HNF1B: variants seen among roughly 807,000 people sequenced by gnomAD.
HNF1B encodes the protein hepatocyte nuclear factor 1-beta.
Under a neutral mutation model 61.7 loss-of-function variants are expected in HNF1B, and 8 were observed. That is an observed-to-expected ratio of 0.13 (90% confidence interval 0.08 to 0.23). The LOEUF is 0.23. HNF1B is among the 10% of genes least tolerant of loss of function. The pLI is 1.00. For missense variants in HNF1B, 562 were observed against 714.5 expected, an observed-to-expected ratio of 0.79 and a Z score of 2.43; for synonymous variants, 314 against 287.7, an observed-to-expected ratio of 1.09 and a Z score of -0.93.
At chr17:37,718,911 A>G (rs965196642) in intron 4 of HNF1B, among the ~76,000 whole-genome samples, 1 of 152,164 alleles carries the variant, frequency 6.6e-6, no homozygotes, top group Non-Finnish European at 1.5e-5. Flanking sequence ...TGACTGGAGT[A>G]TGTCCATTTA....
rs751918738 is a variant in HNF1B, at chr17:37,710,557, G to T, written c.1152C>A (p.Val384=). ...GGCCTGGGTCCAGGCTGGCTGGGGAGACTTGCTGTAAAACCGACTGGCTGG... is the reference window on the plus strand; with the variant it reads ...GGCCTGGGTCCAGGCTGGCTGGGGATACTTGCTGTAAAACCGACTGGCTGG... ...MVTSQSVLQQ[V]SPASLDPGHN... is the part of the protein sequence containing the mutation. The change falls in exon 5 of 9, where the codon GTC becomes GTA. Residue 384 remains valine (V), a synonymous_variant. Transcript: ENST00000617811. 1.1e-5 allele frequency: 18 copies of T among 1,614,058 alleles called. No individual in the cohort carries two copies. Among genetic ancestry groups the T allele is most frequent in the South Asian group, 8.8e-5 (8 of 91,090 alleles).
intron 6 of HNF1B, among the ~76,000 whole-genome samples, chr17:37,704,602 T>C (rs1212107982): frequency 6.6e-6 from 1 of 152,228 alleles, no homozygotes; most frequent in African/African-American, 2.4e-5. Context: ...ATATTCACTG[T>C]CAGTTGATCA....
chr17:37,700,754 T>G (rs756055460), intron 7 of HNF1B, among the ~76,000 whole-genome samples: 1 of 152,220 alleles, frequency 6.6e-6, no homozygotes, highest in African/African-American at 2.4e-5. Context: ...AGGCCTACAC[T>G]GTCCTCTTCA....
In HNF1B at chr17:37,745,043, G is replaced by A; in HGVS notation, c.-159C>T. The A allele has an allele frequency of 3.1e-6, 2 of 645,998 alleles. No individual in the cohort carries two copies. The highest frequency in any genetic ancestry group is 1.9e-5 in the South Asian group (1 of 51,522). 40.0% of individuals were successfully genotyped at this position (645,998 alleles called of 1,614,324 possible). ...CGGGGTCCCGGAGGCTCCTCCGAAA[G>A]GAGTCAGAAAACTTCTAACTTGCCA... is the stretch of plus-strand genomic sequence containing the variant. On this transcript the variant is annotated 5_prime_UTR_variant, in exon 1 of 9. Coordinates refer to ENST00000617811, the MANE Select transcript of HNF1B (RefSeq NM_000458.4).
intron 8 of HNF1B, among the ~76,000 whole-genome samples, chr17:37,695,863 G>A (rs1388465322): frequency 6.6e-6 from 1 of 152,188 alleles, no homozygotes; most frequent in Non-Finnish European, 1.5e-5. Context: ...TAGGTGGAAG[G>A]ACTTGCTCTT....
intron 7 of HNF1B, among the ~76,000 whole-genome samples, chr17:37,700,043 A>G (rs1344733208): frequency 1.3e-5 from 2 of 152,220 alleles, no homozygotes; most frequent in African/African-American, 4.8e-5. Flanking sequence ...AATGCATACT[A>G]TTTCCATTTT....
intron 6 of HNF1B, among the ~76,000 whole-genome samples, chr17:37,702,028 T>C (rs1198165535): frequency 6.6e-6 from 1 of 152,114 alleles, no homozygotes; most frequent in Non-Finnish European, 1.5e-5. Context: ...ATCTCCTCCC[T>C]GAGAGCGACA....
At chr17:37,713,042 G>A (rs1212977683) in intron 4 of HNF1B, among the ~76,000 whole-genome samples, 2 of 152,194 alleles carry the variant, frequency 1.3e-5, no homozygotes, top group Non-Finnish European at 2.9e-5. Context: ...TGGGAGAGAG[G>A]TCTAGCCGCT....
chr17:37,694,250 A>AATCCCT (rs2032299784), intron 8 of HNF1B, among the ~76,000 whole-genome samples: 1 of 152,108 alleles, frequency 6.6e-6, no homozygotes, highest in Non-Finnish European at 1.5e-5. Context: ...CAACATGGTG[A>AATCCCT]ATCCCTGTTT....
chr17:37,686,532 G>C lies in HNF1B; in HGVS notation c.*840C>G, dbSNP rs961563218. ...TCCCTGCCCTGGGGTTTCTTAGGGA[G>C]TGCACGGCTGAGCTCCTGGCCCACA... On this transcript the variant is annotated 3_prime_UTR_variant, in exon 9 of 9. Transcript: ENST00000617811. 4 of 152,408 alleles carry C rather than the reference G, an allele frequency of 2.6e-5. No individual in the cohort carries two copies. The highest frequency in any genetic ancestry group is 5.9e-5 in the Non-Finnish European group (4 of 68,244). 9.4% of individuals were successfully genotyped at this position (152,408 alleles called of 1,614,324 possible).
chr17:37,721,247 G>A (rs993717023), intron 4 of HNF1B, among the ~76,000 whole-genome samples: 2 of 152,134 alleles, frequency 1.3e-5, no homozygotes, highest in South Asian at 2.1e-4. Flanking sequence ...TGCTGGTGTC[G>A]TAAAGCTCTA....
Position 37,699,211 on chromosome 17 carries a change from A to G in HNF1B, c.1535-17T>C. On this transcript the variant is annotated splice_polypyrimidine_tract_variant and intron_variant, in intron 7 of 8. Coordinates refer to ENST00000617811, the MANE Select transcript of HNF1B (RefSeq NM_000458.4). ...GTGCGTACACTGGAGAGACAGAGTGAAGACAGAATCAAGGTGCATACACAG... is the reference window on the plus strand; with the variant it reads ...GTGCGTACACTGGAGAGACAGAGTGGAGACAGAATCAAGGTGCATACACAG... The G allele has an allele frequency of 2.5e-6, 4 of 1,593,442 alleles. No homozygotes were observed. The highest frequency in any genetic ancestry group is 3.4e-6 in the Non-Finnish European group (4 of 1,161,174).
At chr17:37,730,637 C>G (rs947854793) in intron 4 of HNF1B, 1 of 152,286 alleles carries the variant, frequency 6.6e-6, no homozygotes, top group South Asian at 2.1e-4. Flanking sequence ...ATCAGAAGGG[C>G]AACCGACAGG....
At chr17:37,722,776 G>A (rs57315554) in intron 4 of HNF1B, among the ~76,000 whole-genome samples, 18,691 of 152,134 alleles carry the variant, frequency 0.12, 2,288 homozygotes, top group African/African-American at 0.32. Context: ...TAACAGGAAG[G>A]TACCTGAAGC....
intron 1 of HNF1B, among the ~76,000 whole-genome samples, chr17:37,744,061 A>G (rs1187186813): frequency 2.0e-5 from 3 of 152,262 alleles, no homozygotes; most frequent in Non-Finnish European, 4.4e-5. Context: ...TCCTTCGGCA[A>G]AGAACTGCAG....
At chr17:37,736,724 G>T (rs568358306) in intron 2 of HNF1B, among the ~76,000 whole-genome samples, 2 of 152,346 alleles carry the variant, frequency 1.3e-5, no homozygotes, top group South Asian at 2.1e-4. Flanking sequence ...GGCTGCCTCA[G>T]TCTCTCACCT....
intron 4 of HNF1B, among the ~76,000 whole-genome samples, chr17:37,713,687 A>C (rs2033011394): frequency 6.6e-6 from 1 of 152,168 alleles, no homozygotes; most frequent in African/African-American, 2.4e-5. Flanking sequence ...CAGCTTCCTC[A>C]TCTATAAGCC....
Position 37,724,595 on chromosome 17 carries a change from T to C in HNF1B, c.1045+7000A>G, listed in dbSNP as rs1447614286. ...ATCAATTAAAGACTATAGGATGATA[T>C]GTGAAAATTATATGAAATTTAAATT... On this transcript the variant is annotated intron_variant, in intron 4 of 8. Transcript: ENST00000617811. Among the ~76,000 whole-genome samples, 4 of 152,306 alleles carry C rather than the reference T, an allele frequency of 2.6e-5. No individual in the cohort carries two copies. In the East Asian group the frequency reaches 7.7e-4, roughly 29 times the overall value.
intron 6 of HNF1B, among the ~76,000 whole-genome samples, chr17:37,704,549 G>A (rs898629188): frequency 2.0e-5 from 3 of 152,160 alleles, no homozygotes; most frequent in Admixed American, 6.5e-5. Context: ...TGTAAGCTAC[G>A]ATGTTATACA....
Sources: allele counts gnomAD v4.1 joint callset (sites outside exome capture counted in the v4.1 genomes callset), GRCh38; gene constraint gnomAD v4.1.1; transcripts MANE v1.5; gene names NCBI Gene and HGNC (gene_info 2026-07-23, HGNC 2026-07-21).